Variants in FBXL17 observed in about 807,000 individuals in gnomAD.
FBXL17 encodes the protein F-box and leucine rich repeat protein 17, also known as F-box/LRR-repeat protein 17.
Under a neutral mutation model 66.2 loss-of-function variants are expected in FBXL17, and 22 were observed. The ratio of observed to expected loss-of-function variants is 0.33; its 90% confidence interval spans 0.24 to 0.47. FBXL17 has a LOEUF of 0.47. Ranked by LOEUF, FBXL17 falls within the 20% of genes least tolerant of loss-of-function variation. The probability of loss-of-function intolerance (pLI) is 1.00; values close to 1 mark genes in which losing one functional copy is unlikely to be tolerated. For synonymous variants in FBXL17, 474 were observed against 400.5 expected (o/e 1.18, Z -2.19); for missense variants, 878 against 948.2 (o/e 0.93, Z 0.97).
intron 4 of FBXL17, among the ~76,000 whole-genome samples, chr5:108,233,068 T>C (rs903476553): frequency 1.3e-5 from 2 of 151,910 alleles, no homozygotes; most frequent in African/African-American, 4.8e-5. Context: ...GTCACACAAA[T>C]GTATGTTTAA....
chr5:108,036,742 C>T (rs1260203171), intron 6 of FBXL17, among the ~76,000 whole-genome samples: 5 of 152,118 alleles, frequency 3.3e-5, no homozygotes, highest in Non-Finnish European at 5.9e-5. Flanking sequence ...TCACGCTTAT[C>T]TTAGATTAGA....
intron 1 of FBXL17, among the ~76,000 whole-genome samples, chr5:108,370,744 GA>G (rs748946248): frequency 0.021 from 2,852 of 134,980 alleles, 25 homozygotes; most frequent in Non-Finnish European, 0.028. Flanking sequence ...CTCCTTCTCG[GA>G]AAAAAAAAAA....
intron 6 of FBXL17, among the ~76,000 whole-genome samples, chr5:108,029,307 T>C (rs1393563236): frequency 6.6e-6 from 1 of 152,132 alleles, no homozygotes; most frequent in Non-Finnish European, 1.5e-5. Flanking sequence ...GTAACCCACA[T>C]ATTCATTCAG....
intron 6 of FBXL17, among the ~76,000 whole-genome samples, chr5:108,074,658 CT>C (rs1427809008): frequency 6.6e-6 from 1 of 152,180 alleles, no homozygotes; most frequent in African/African-American, 2.4e-5. Flanking sequence ...TCTCTTCTGC[CT>C]TTTCTGTCTT....
chr5:108,296,970 A>C (rs1758373698), intron 4 of FBXL17, among the ~76,000 whole-genome samples: 1 of 151,452 alleles, frequency 6.6e-6, no homozygotes, highest in Non-Finnish European at 1.5e-5. Context: ...AATTGATATT[A>C]AAGGAAAATA....
intron 7 of FBXL17, among the ~76,000 whole-genome samples, chr5:107,983,434 T>A (rs533538786): frequency 2.0e-5 from 3 of 151,584 alleles, no homozygotes; most frequent in South Asian, 4.2e-4. Flanking sequence ...GCTCAAGTGA[T>A]CCTCCCATCT....
At chr5:108,091,476 T>C (rs1164218977) in intron 6 of FBXL17, among the ~76,000 whole-genome samples, 1 of 152,246 alleles carries the variant, frequency 6.6e-6, no homozygotes, top group Admixed American at 6.5e-5. Flanking sequence ...CTGCTTTTAC[T>C]TTTTCCTTTA....
intron 5 of FBXL17, among the ~76,000 whole-genome samples, chr5:108,217,733 G>A (rs1218097252): frequency 1.3e-5 from 2 of 152,006 alleles, no homozygotes; most frequent in African/African-American, 2.4e-5. Context: ...TACTCTTGCT[G>A]CCTAACTGAA....
At chr5:107,904,816 T>C (rs1296482958) in intron 7 of FBXL17, among the ~76,000 whole-genome samples, 1 of 152,138 alleles carries the variant, frequency 6.6e-6, no homozygotes, top group Non-Finnish European at 1.5e-5. Flanking sequence ...TAAGAAAATA[T>C]AACATATGCT....
intron 4 of FBXL17, among the ~76,000 whole-genome samples, chr5:108,294,832 C>T (rs935409478): frequency 6.6e-6 from 1 of 151,974 alleles, no homozygotes; most frequent in African/African-American, 2.4e-5. Context: ...TGCAATAAAC[C>T]TTGTTACAGA....
intron 4 of FBXL17, among the ~76,000 whole-genome samples, chr5:108,311,942 A>G (rs924510412): frequency 2.0e-5 from 3 of 152,186 alleles, no homozygotes; most frequent in Non-Finnish European, 4.4e-5. Context: ...AAACTATTAT[A>G]GAAAACCTAT....
intron 6 of FBXL17, among the ~76,000 whole-genome samples, chr5:108,031,115 T>C (rs1042827763): frequency 4.6e-5 from 7 of 152,036 alleles, no homozygotes; most frequent in Non-Finnish European, 1.0e-4. Context: ...ATAAGCAAGT[T>C]AGCGAATGTG....
intron 7 of FBXL17, among the ~76,000 whole-genome samples, chr5:107,995,548 T>C (rs1580302515): frequency 3.3e-5 from 5 of 152,154 alleles, no homozygotes; most frequent in Admixed American, 1.3e-4. Flanking sequence ...AAAAATGTTT[T>C]ATAAGAGTTT....
intron 6 of FBXL17, among the ~76,000 whole-genome samples, chr5:108,173,021 G>A (rs139755147): frequency 0.014 from 2,081 of 151,690 alleles, 58 homozygotes; most frequent in African/African-American, 0.048. Context: ...GGCTGCTCTC[G>A]AACTCCTGAC....
chr5:107,865,486 G>A (rs1403494465), intron 8 of FBXL17, among the ~76,000 whole-genome samples: 1 of 152,006 alleles, frequency 6.6e-6, no homozygotes, highest in Non-Finnish European at 1.5e-5. Context: ...CTATTTTGGC[G>A]GCACAAAGTA....
intron 8 of FBXL17, among the ~76,000 whole-genome samples, chr5:107,874,147 T>C (rs1561513084): frequency 2.0e-5 from 3 of 152,160 alleles, no homozygotes; most frequent in Admixed American, 1.3e-4. Context: ...TCTCTGCAAG[T>C]CTGGCTGTAA....
chr5:108,236,369 C>T (rs1314384322), intron 4 of FBXL17, among the ~76,000 whole-genome samples: 8 of 151,522 alleles, frequency 5.3e-5, no homozygotes, highest in South Asian at 4.2e-4. Flanking sequence ...AAAAATTAGC[C>T]GGGCGTGGTG....
intron 6 of FBXL17, among the ~76,000 whole-genome samples, chr5:108,160,173 A>G (rs1752153640): frequency 6.6e-6 from 1 of 152,238 alleles, no homozygotes; most frequent in Admixed American, 6.5e-5. Flanking sequence ...AGCCACAATG[A>G]AAAGACATAC....
At chr5:108,259,215 A>T (rs986828886) in intron 4 of FBXL17, among the ~76,000 whole-genome samples, 1 of 152,214 alleles carries the variant, frequency 6.6e-6, no homozygotes, top group African/African-American at 2.4e-5. Context: ...AGGTACAAAG[A>T]AACTATGTTG....
Sources: allele counts gnomAD v4.1 joint callset (sites outside exome capture counted in the v4.1 genomes callset), GRCh38; gene constraint gnomAD v4.1.1; transcripts MANE v1.5; gene names NCBI Gene and HGNC (gene_info 2026-07-23, HGNC 2026-07-21).